KIDINS220: variants seen among roughly 807,000 people sequenced by gnomAD.
KIDINS220 encodes the protein kinase D-interacting substrate of 220 kDa.
KIDINS220 carries 63 observed loss-of-function variants against 157.6 expected under a neutral mutation model. That is an observed-to-expected ratio of 0.40 (90% CI 0.33 to 0.49). The LOEUF is 0.49. Ranked by LOEUF, KIDINS220 falls within the 20% of genes least tolerant of loss-of-function variation. KIDINS220 has a pLI of 0.66. For synonymous variants in KIDINS220, 732 were observed against 783.6 expected, an observed-to-expected ratio of 0.93 and a Z score of 1.10; for missense variants, 1,772 against 2,171.2, an observed-to-expected ratio of 0.82 and a Z score of 3.65.
At chr2:8,756,390 T>C (rs1006564562) in intron 22 of KIDINS220, among the ~76,000 whole-genome samples, 1 of 152,228 alleles carries the variant, frequency 6.6e-6, no homozygotes, top group Non-Finnish European at 1.5e-5. Flanking sequence ...GATTTTTCTA[T>C]ATATAGAAGA....
At chr2:8,776,301 G>A (rs1670948497) in intron 21 of KIDINS220, among the ~76,000 whole-genome samples, 1 of 151,968 alleles carries the variant, frequency 6.6e-6, no homozygotes, top group African/African-American at 2.4e-5. Context: ...GAGCAAGGAG[G>A]AATTCACAAG....
chr2:8,751,972 T>C (rs1667426695), intron 22 of KIDINS220, among the ~76,000 whole-genome samples: 1 of 152,160 alleles, frequency 6.6e-6, no homozygotes, highest in Non-Finnish European at 1.5e-5. Context: ...CCCAAAGTGC[T>C]GGGATTACAG....
chr2:8,729,044 C>T lies in KIDINS220; in HGVS notation c.*1676G>A, dbSNP rs11552614. On this transcript the variant is annotated 3_prime_UTR_variant, in exon 30 of 30. Transcript: ENST00000256707. ...ATGATATTACGCGGCAACTACTCAC[C>T]TGAAAAAGAAAACATTGTCTCTGAA... 5,207 of 983,034 alleles carry T rather than the reference C, an allele frequency of 5.3e-3. 29 individuals carry two copies. Among genetic ancestry groups the T allele is most frequent in the South Asian group, 0.016 (337 of 21,214 alleles). 60.9% of individuals were successfully genotyped at this position (983,034 alleles called of 1,614,324 possible). A position where few individuals can be genotyped will look rare whatever the true frequency, so the allele number is the denominator to read the frequency against.
chr2:8,744,389 ATATATATAT>A lies in KIDINS220; in HGVS notation c.3585+2747_3585+2755del, dbSNP rs1666203615. Among the ~76,000 whole-genome samples, 20 of 27,888 alleles carry A rather than the reference ATATATATAT, an allele frequency of 7.2e-4. 2 individuals are homozygous for A. The highest frequency in any genetic ancestry group is 2.5e-3 in the African/African-American group (15 of 6,016). 18.3% of individuals were successfully genotyped at this position (27,888 alleles called of 152,430 possible). A position where few individuals can be genotyped will look rare whatever the true frequency, so the allele number is the denominator to read the frequency against. On this transcript the variant is annotated intron_variant, in intron 26 of 29. Transcript: ENST00000256707. ...AAAAAAAAAAAAAAAAAAAAAAAAA[ATATATATAT>A]ATAATATATATATATATATATATAT...
intron 17 of KIDINS220, among the ~76,000 whole-genome samples, chr2:8,784,509 C>T (rs1296884695): frequency 6.6e-6 from 1 of 152,108 alleles, no homozygotes; most frequent in Non-Finnish European, 1.5e-5. Context: ...TTGCAAAAAG[C>T]TTATCTGATA....
intron 6 of KIDINS220, 63 bp from the exon 7 acceptor site, chr2:8,806,432 T>A: frequency 1.0e-6 from 1 of 973,872 alleles, no homozygotes; most frequent in Non-Finnish European, 1.5e-6. Flanking sequence ...AACTAGCTCT[T>A]AACATGAATT....
intron 17 of KIDINS220, among the ~76,000 whole-genome samples, chr2:8,783,054 G>A (rs6707524): frequency 0.033 from 5,006 of 152,140 alleles, 144 homozygotes; most frequent in African/African-American, 0.08. Flanking sequence ...AAAATTAGCT[G>A]GGCATGCTGT....
chr2:8,814,500 AT>A (rs1676775186), intron 4 of KIDINS220, among the ~76,000 whole-genome samples: 1 of 152,182 alleles, frequency 6.6e-6, no homozygotes, highest in Non-Finnish European at 1.5e-5. Flanking sequence ...TGATAGACAG[AT>A]AGAGTAGGGT....
chr2:8,730,160 T>C lies in KIDINS220; in HGVS notation c.*560A>G. On this transcript the variant is annotated 3_prime_UTR_variant, in exon 30 of 30. Transcript: ENST00000256707. ...GCAATTTTTAAAGCCCTCTTCATTA[T>C]GTACTTCCTACTCTTCAGAACCTCT... 1.0e-6 allele frequency: 1 copy of C among 985,948 alleles called. No homozygotes were observed. Among genetic ancestry groups the C allele is most frequent in the Non-Finnish European group, 1.2e-6 (1 of 830,370 alleles). 61.1% of individuals were successfully genotyped at this position (985,948 alleles called of 1,614,324 possible).
downstream of KIDINS220, chr2:8,722,183 T>G (rs1662995227): frequency 6.6e-6 from 1 of 151,952 alleles, no homozygotes; most frequent in African/African-American, 2.4e-5. Flanking sequence ...GAAAAAAAAA[T>G]GTTGTCATAG....
intron 6 of KIDINS220, among the ~76,000 whole-genome samples, chr2:8,812,093 G>T (rs908469615): frequency 3.3e-5 from 5 of 152,136 alleles, no homozygotes; most frequent in African/African-American, 1.2e-4. Context: ...AAGCAGATAG[G>T]ACTGAATGTA....
intron 12 of KIDINS220, among the ~76,000 whole-genome samples, chr2:8,792,493 T>G (rs1461523822): frequency 1.3e-5 from 2 of 152,260 alleles, no homozygotes; most frequent in African/African-American, 4.8e-5. Context: ...ACACATTATC[T>G]AAGCCAAAAG....
chr2:8,735,379 A>C (rs1055383684), intron 27 of KIDINS220, among the ~76,000 whole-genome samples: 11 of 152,098 alleles, frequency 7.2e-5, no homozygotes, highest in Non-Finnish European at 1.6e-4. Context: ...TAAAACTACA[A>C]AAATTAGCTG....
At chr2:8,790,685 A>T (rs1673061647) in intron 13 of KIDINS220, among the ~76,000 whole-genome samples, 1 of 152,182 alleles carries the variant, frequency 6.6e-6, no homozygotes, top group Non-Finnish European at 1.5e-5. Flanking sequence ...GCCACTAAGG[A>T]GCTGCTAATA....
chr2:8,732,572 G>C (rs545985683), intron 29 of KIDINS220, among the ~76,000 whole-genome samples: 1 of 152,308 alleles, frequency 6.6e-6, no homozygotes, highest in Non-Finnish European at 1.5e-5. Context: ...ATTTGCTTCA[G>C]ATCCCAGAAT....
chr2:8,736,284 C>G (rs1664846164), intron 27 of KIDINS220, among the ~76,000 whole-genome samples: 1 of 152,312 alleles, frequency 6.6e-6, no homozygotes, highest in South Asian at 2.1e-4. Context: ...AAATCTCAGG[C>G]ATCTCTAGCC....
chr2:8,768,246 TAA>T (rs201257787), intron 22 of KIDINS220, among the ~76,000 whole-genome samples: 6 of 141,568 alleles, frequency 4.2e-5, no homozygotes, highest in African/African-American at 7.7e-5. Context: ...AAATGTATGT[TAA>T]AAAAAAAAAA....
intron 26 of KIDINS220, among the ~76,000 whole-genome samples, chr2:8,745,123 C>T (rs1306561452): frequency 6.6e-6 from 1 of 152,192 alleles, no homozygotes; most frequent in African/African-American, 2.4e-5. Flanking sequence ...TGTCTACATT[C>T]TTGAGCATGG....
chr2:8,739,540 TC>T (rs952365253), intron 26 of KIDINS220, among the ~76,000 whole-genome samples: 17 of 152,000 alleles, frequency 1.1e-4, no homozygotes, highest in African/African-American at 3.9e-4. Context: ...GGGGTGGAAA[TC>T]TCATAAAAGG....
Sources: allele counts gnomAD v4.1 joint callset (sites outside exome capture counted in the v4.1 genomes callset), GRCh38; gene constraint gnomAD v4.1.1; transcripts MANE v1.5; gene names NCBI Gene and HGNC (gene_info 2026-07-23, HGNC 2026-07-21).